The following ST8SIA2 variants were observed in gnomAD, a reference collection of about 807,000 sequenced individuals.
ST8SIA2 encodes the protein ST8 alpha-N-acetyl-neuraminide alpha-2,8-sialyltransferase 2, also known as alpha-2,8-sialyltransferase 8B.
In ST8SIA2, 22 loss-of-function variants were observed where a neutral mutation model predicts 37.6. That is an observed-to-expected ratio of 0.58 (90% CI 0.42 to 0.83). The LOEUF (loss-of-function observed/expected upper bound fraction) is 0.83, where lower values mean the gene tolerates loss of function less well. Among genes scored for constraint, ST8SIA2 ranks in the 40% least tolerant of loss-of-function variants. ST8SIA2 has a pLI of 0.00. For synonymous variants in ST8SIA2, 205 were observed against 201.2 expected (o/e 1.02, Z -0.16); for missense variants, 382 against 484.7 (o/e 0.79, Z 1.99).
chr15:92,420,520 G>A (rs2049625408), intron 1 of ST8SIA2, among the ~76,000 whole-genome samples: 1 of 152,166 alleles, frequency 6.6e-6, no homozygotes, highest in African/African-American at 2.4e-5. Context: ...TTGAGCAAAG[G>A]AGAGAGCCAA....
chr15:92,441,189 G>A (rs2049798691), intron 4 of ST8SIA2, among the ~76,000 whole-genome samples: 1 of 152,210 alleles, frequency 6.6e-6, no homozygotes. Context: ...ACTCTGTGTG[G>A]GGAACACAAG....
At chr15:92,399,626 C>T (rs959766374) in intron 1 of ST8SIA2, among the ~76,000 whole-genome samples, 79 of 152,270 alleles carry the variant, frequency 5.2e-4, no homozygotes, top group Non-Finnish European at 8.7e-4. Context: ...CATTCTTCTC[C>T]CTAGTACTGG....
intron 1 of ST8SIA2, among the ~76,000 whole-genome samples, chr15:92,404,734 C>CT (rs1380407425): frequency 6.6e-6 from 1 of 150,554 alleles, no homozygotes; most frequent in Non-Finnish European, 1.5e-5. Context: ...TACTCGGAGG[C>CT]TGAGACAGGA....
At chr15:92,402,346 T>G (rs1286661387) in intron 1 of ST8SIA2, among the ~76,000 whole-genome samples, 1 of 152,192 alleles carries the variant, frequency 6.6e-6, no homozygotes, top group African/African-American at 2.4e-5. Context: ...ACACCTGTAA[T>G]CCTCCCAACA....
intron 1 of ST8SIA2, among the ~76,000 whole-genome samples, chr15:92,400,222 T>C: frequency 6.6e-6 from 1 of 152,218 alleles, no homozygotes; most frequent in Admixed American, 6.5e-5. Context: ...TCTGCATTGG[T>C]TGCCCCTCCT....
intron 5 of ST8SIA2, among the ~76,000 whole-genome samples, chr15:92,456,491 G>A (rs1201018652): frequency 6.6e-6 from 1 of 152,156 alleles, no homozygotes; most frequent in East Asian, 1.9e-4. Context: ...AAAACTGTAG[G>A]GAAGGAAAAG....
intron 2 of ST8SIA2, among the ~76,000 whole-genome samples, chr15:92,433,946 C>CAG (rs1465187247): frequency 7.8e-6 from 1 of 128,464 alleles, no homozygotes; most frequent in East Asian, 2.6e-4. Flanking sequence ...AGAAATATTA[C>CAG]TCTTCTGACA....
chr15:92,401,424 G>A (rs895051474), intron 1 of ST8SIA2, among the ~76,000 whole-genome samples: 4 of 152,174 alleles, frequency 2.6e-5, no homozygotes, highest in South Asian at 2.1e-4. Flanking sequence ...GAAGCTGCCC[G>A]GTGTCCTGAC....
intron 5 of ST8SIA2, among the ~76,000 whole-genome samples, chr15:92,458,356 C>T (rs531750443): frequency 1.3e-4 from 20 of 152,136 alleles, no homozygotes; most frequent in African/African-American, 4.6e-4. Flanking sequence ...CGCAGGCTAT[C>T]GGGCCAGAAC....
chr15:92,448,696 G>A (rs1447404739), intron 5 of ST8SIA2, among the ~76,000 whole-genome samples: 5 of 152,176 alleles, frequency 3.3e-5, no homozygotes, highest in Non-Finnish European at 7.3e-5. Context: ...TACAATGTGG[G>A]AAAGACATAA....
At chr15:92,435,202 CAT>C (rs1314832232) in intron 3 of ST8SIA2, among the ~76,000 whole-genome samples, 1 of 152,154 alleles carries the variant, frequency 6.6e-6, no homozygotes, top group Non-Finnish European at 1.5e-5. Context: ...CGTGGTATGA[CAT>C]ACACATGAGG....
chr15:92,447,386 G>A (rs188446897), intron 5 of ST8SIA2, among the ~76,000 whole-genome samples: 156 of 152,268 alleles, frequency 1.0e-3, no homozygotes, highest in Middle Eastern at 6.8e-3. Flanking sequence ...TTGAGCATAC[G>A]AAGTGTGAGA....
Position 92,444,643 on chromosome 15 carries a change from C to T in ST8SIA2, c.556C>T (p.Leu186=). The change falls in exon 5 of 6, where the codon CTG becomes TTG. Residue 186 remains leucine, a synonymous_variant. Coordinates refer to ENST00000268164, the MANE Select transcript of ST8SIA2 (RefSeq NM_006011.4). The part of the protein sequence containing the change: ...DAHSFVIRCN[L]APVQEYARDV... The stretch of plus-strand genomic sequence containing the variant: ...TGCCTTTTTCTCCGGCAGGTGCAAC[C>T]TGGCCCCAGTACAGGAGTATGCCCG... 4 of 1,614,248 alleles carry T rather than the reference C, an allele frequency of 2.5e-6. No individual in the cohort carries two copies. The highest frequency in any genetic ancestry group is 3.4e-6 in the Non-Finnish European group (4 of 1,180,046).
intron 3 of ST8SIA2, 45 bp from the exon 4 acceptor site, chr15:92,438,308 G>T (rs1298429378): frequency 1.2e-6 from 2 of 1,614,094 alleles, no homozygotes; most frequent in African/African-American, 2.7e-5. Flanking sequence ...GCAAAGGGCA[G>T]CTGGCACCCT....
chr15:92,405,502 T>C (rs1271792599), intron 1 of ST8SIA2, among the ~76,000 whole-genome samples: 3 of 152,262 alleles, frequency 2.0e-5, no homozygotes, highest in Non-Finnish European at 4.4e-5. Context: ...TTTCCCACAA[T>C]TGAAACACAC....
intron 2 of ST8SIA2, among the ~76,000 whole-genome samples, chr15:92,430,762 AG>A (rs1332055745): frequency 2.0e-5 from 3 of 152,172 alleles, no homozygotes; most frequent in African/African-American, 7.2e-5. Context: ...TATGGCCTGT[AG>A]TCTTATAAGC....
At chr15:92,435,991 C>T (rs1458179445) in intron 3 of ST8SIA2, among the ~76,000 whole-genome samples, 5 of 152,156 alleles carry the variant, frequency 3.3e-5, no homozygotes, top group Non-Finnish European at 7.3e-5. Flanking sequence ...CGCTTCCAGC[C>T]TCTGGTGGCC....
Position 92,444,937 on chromosome 15 carries a change from G to T in ST8SIA2, c.842+8G>T. The stretch of plus-strand genomic sequence containing the variant: ...GCTGCACGCCGTTCGCGGGTGAGCG[G>T]CCTCCCTACAGGCCAGTAGGACCGT... On this transcript the variant is annotated splice_region_variant and intron_variant, in intron 5 of 5. Transcript: ENST00000268164. 4 of 1,608,150 alleles carry T rather than the reference G, an allele frequency of 2.5e-6. No individual in the cohort carries two copies. The highest frequency in any genetic ancestry group is 2.5e-6 in the Non-Finnish European group (3 of 1,180,002).
chr15:92,409,769 C>T (rs1047555842), intron 1 of ST8SIA2, among the ~76,000 whole-genome samples: 2 of 152,232 alleles, frequency 1.3e-5, no homozygotes, highest in East Asian at 1.9e-4. Context: ...TGGAAAAAGG[C>T]GTCAGGACGG....
Sources: allele counts gnomAD v4.1 joint callset (sites outside exome capture counted in the v4.1 genomes callset), GRCh38; gene constraint gnomAD v4.1.1; transcripts MANE v1.5; gene names NCBI Gene and HGNC (gene_info 2026-07-23, HGNC 2026-07-21).